Variants in TP53AIP1 observed in about 807,000 individuals in gnomAD.
TP53AIP1 encodes the protein p53-regulated apoptosis-inducing protein 1.
Under a neutral mutation model 9.5 loss-of-function variants are expected in TP53AIP1, and 14 were observed. The ratio of observed to expected loss-of-function variants is 1.47; its 90% CI spans 0.97 to 2.30. The LOEUF (loss-of-function observed/expected upper bound fraction) is 2.30, where lower values mean the gene tolerates loss of function less well. Ranked by LOEUF, TP53AIP1 falls within the 30% of genes most tolerant of loss-of-function variation. The pLI, the probability that TP53AIP1 is intolerant of heterozygous loss-of-function variation, is 0.00. For synonymous variants in TP53AIP1, 73 were observed against 61.2 expected (o/e 1.19, Z -0.90); for missense variants, 153 against 146.7 (o/e 1.04, Z -0.22).
rs760739179 is a variant in TP53AIP1, at chr11:128,936,535, C to T, written c.253+3G>A. 1.9e-6 allele frequency: 3 copies of T among 1,560,972 alleles called. No homozygotes were observed. In the South Asian group the frequency reaches 3.5e-5, roughly 18 times the overall value. The stretch of plus-strand genomic sequence containing the variant: ...ATGAATTCACTAAGTAATTATCACA[C>T]ACCTGTCAGGATCCAGACAGTTGCT... On this transcript the variant is annotated splice_donor_region_variant and intron_variant, in intron 3 of 3. Transcript: ENST00000531399.
chr11:128,936,256 C>T, intron 3 of TP53AIP1: 2 of 1,181,876 alleles, frequency 1.7e-6, no homozygotes, highest in Non-Finnish European at 2.1e-6. Context: ...GTCCAGCATC[C>T]TATGGCCCAT....
rs1944900604 is a variant in TP53AIP1 at position 128,939,487 on chromosome 11, C to T, written c.-76-1593G>A. Among the ~76,000 whole-genome samples the T allele has an allele frequency of 6.6e-6, 1 of 152,212 alleles. No homozygotes were observed. The highest frequency in any genetic ancestry group is 2.4e-5 in the African/African-American group (1 of 41,456). Reference sequence around the variant, plus strand: ...TGGTGCCTACACCTCCGTCTTCCAGCCACTGAAAACAGGATTCTCCAGAGT... The same window carrying T: ...TGGTGCCTACACCTCCGTCTTCCAGTCACTGAAAACAGGATTCTCCAGAGT... On this transcript the variant is annotated intron_variant, in intron 1 of 3. Coordinates refer to ENST00000531399, the MANE Select transcript of TP53AIP1 (RefSeq NM_022112.3). The surrounding 1 kb of genome is among the most constrained non-coding windows in gnomAD (Gnocchi z 4.1).
In TP53AIP1 at chr11:128,935,580, G is replaced by A. The variant is rs767408340; in HGVS notation, c.*11C>T. The stretch of plus-strand genomic sequence containing the variant: ...GTCGCCCAGGCTGGAGTGCAGTGGC[G>A]TGATCTCGGCTCACTGCAACCTCAA... On this transcript the variant is annotated 3_prime_UTR_variant, in exon 4 of 4. Transcript: ENST00000531399. 6.0e-5 allele frequency: 93 copies of A among 1,553,426 alleles called. No homozygotes were observed. The highest frequency in any genetic ancestry group is 1.9e-4 in the Middle Eastern group (1 of 5,268).
chr11:128,942,428 C>T (rs1438178622), intron 1 of TP53AIP1, among the ~76,000 whole-genome samples: 1 of 152,238 alleles, frequency 6.6e-6, no homozygotes, highest in South Asian at 2.1e-4. Context: ...GCTAGCTGTG[C>T]GAGCTTGCGC....
In TP53AIP1 at chr11:128,935,518, G is replaced by GTTTGTTTGTT. The variant is rs1555049424; in HGVS notation, c.*63_*72dup. Reference sequence around the variant, plus strand: ...CATTTCTCGACGGTGCTTTCTGTTTGTTTGTTTGTTTTTGTTTTGAGATGG... The same window carrying GTTTGTTTGTT: ...CATTTCTCGACGGTGCTTTCTGTTTGTTTGTTTGTTTTTGTTTGTTTTTGTTTTGAGATGG... On this transcript the variant is annotated 3_prime_UTR_variant, in exon 4 of 4. Transcript: ENST00000531399. The GTTTGTTTGTT allele has an allele frequency of 9.9e-6, 15 of 1,507,792 alleles. No homozygotes were observed. The highest frequency in any genetic ancestry group is 2.5e-5 in the South Asian group (2 of 79,364). 93.4% of individuals were successfully genotyped at this position (1,507,792 alleles called of 1,614,324 possible). A position where few individuals can be genotyped will look rare whatever the true frequency, so the allele number is the denominator to read the frequency against.
chr11:128,940,259 G>C (rs1337738859), intron 1 of TP53AIP1, among the ~76,000 whole-genome samples: 1 of 152,148 alleles, frequency 6.6e-6, no homozygotes, highest in African/African-American at 2.4e-5. Flanking sequence ...GCTATCCTCT[G>C]TCCTGCTTCC....
At chr11:128,938,758 C>G (rs1368444354) in intron 1 of TP53AIP1, among the ~76,000 whole-genome samples, 1 of 152,198 alleles carries the variant, frequency 6.6e-6, no homozygotes, top group Admixed American at 6.5e-5. Flanking sequence ...GGGCAGCTCA[C>G]AGCAGCGCCA....
chr11:128,936,402 T>G, intron 3 of TP53AIP1, 136 bp downstream of exon 3: 1 of 1,421,160 alleles, frequency 7.0e-7, no homozygotes, highest in Non-Finnish European at 9.1e-7. Flanking sequence ...GATGTCATTT[T>G]GTCAGATGGC....
downstream of TP53AIP1, chr11:128,935,241 C>A (rs908915776): frequency 2.3e-5 from 33 of 1,405,328 alleles, no homozygotes; most frequent in Non-Finnish European, 2.8e-5. Context: ...ACTGGGAGTG[C>A]CCTCGGGCGT....
intron 1 of TP53AIP1, 114 bp from the exon 2 acceptor site, chr11:128,938,008 C>T (rs187874729): frequency 1.5e-4 from 98 of 663,566 alleles, no homozygotes; most frequent in Admixed American, 6.3e-4. Context: ...AGGGGGAAGC[C>T]GATGCACCCA....
chr11:128,936,872 C>T (rs929617370), intron 2 of TP53AIP1: 8 of 1,352,322 alleles, frequency 5.9e-6, no homozygotes, highest in African/African-American at 5.9e-5. Context: ...GAGACAAAGA[C>T]AGAGACAGCA....
chr11:128,934,877 C>G (rs1037474262), downstream of TP53AIP1: 8 of 639,560 alleles, frequency 1.3e-5, no homozygotes, highest in African/African-American at 1.4e-4. Flanking sequence ...TGGGGATCCT[C>G]GGAAGTGTCA....
intron 1 of TP53AIP1, among the ~76,000 whole-genome samples, chr11:128,940,188 G>A (rs1407830027): frequency 6.6e-6 from 1 of 152,212 alleles, no homozygotes; most frequent in East Asian, 1.9e-4. Flanking sequence ...ACTCCTTAGA[G>A]GGCACAAGGG....
chr11:128,941,884 AT>A lies in TP53AIP1; in HGVS notation c.-77+909del, dbSNP rs1944951459. 9.2e-5 allele frequency among the ~76,000 whole-genome samples: 14 copies of A among 152,308 alleles called. No individual in the cohort carries two copies. In the South Asian group the frequency reaches 2.9e-3, roughly 32 times the overall value. On this transcript the variant is annotated intron_variant, in intron 1 of 3. Transcript: ENST00000531399. ...TTGTGTGGCTGTGCTGCGGAAGCAGATCTGGGTGGAGGAGGGCCCCACGCAC... is the reference window on the plus strand; with the variant it reads ...TTGTGTGGCTGTGCTGCGGAAGCAGACTGGGTGGAGGAGGGCCCCACGCAC...
downstream of TP53AIP1, chr11:128,935,343 T>C (rs1944791266): frequency 2.1e-6 from 3 of 1,417,910 alleles, no homozygotes; most frequent in East Asian, 5.1e-5. Context: ...GTGGATATTA[T>C]AGATTGGAAT....
rs993372258 is a variant in TP53AIP1, at chr11:128,935,458, G to A, written c.*133C>T. ...CACCCAACTGGCCCAGTGGTCAAGG[G>A]GGGAAATGAGGTGGCCGCTAGTCAG... On this transcript the variant is annotated 3_prime_UTR_variant, in exon 4 of 4. Transcript: ENST00000531399. The A allele has an allele frequency of 2.8e-6, 4 of 1,433,666 alleles. No individual in the cohort carries two copies. The highest frequency in any genetic ancestry group is 1.6e-5 in the South Asian group (1 of 64,284). 88.8% of individuals were successfully genotyped at this position (1,433,666 alleles called of 1,614,324 possible).
chr11:128,937,401 G>C lies in TP53AIP1; in HGVS notation c.141+277C>G. ...GCACCACCTTCCTTCCAAAAGCCTT[G>C]TTTCTCAGAAAACCTTTCTGCCTCC... is the stretch of plus-strand genomic sequence containing the variant. On this transcript the variant is annotated intron_variant, in intron 2 of 3. Transcript: ENST00000531399. This position sits in a 1 kb window ranked among gnomAD's most constrained non-coding sequence, Gnocchi z 4.8. The C allele has an allele frequency of 2.1e-6, 3 of 1,433,772 alleles. No individual in the cohort carries two copies. Among genetic ancestry groups the C allele is most frequent in the Non-Finnish European group, 2.7e-6 (3 of 1,096,516 alleles). The allele number at this position is 1,433,772 out of a possible 1,614,324, so 88.8% of individuals were successfully genotyped here.
Position 128,935,473 on chromosome 11 carries a change from C to T in TP53AIP1, c.*118G>A, listed in dbSNP as rs1289280540. On this transcript the variant is annotated 3_prime_UTR_variant, in exon 4 of 4. Transcript: ENST00000531399. The stretch of plus-strand genomic sequence containing the variant: ...GTGGTCAAGGGGGGAAATGAGGTGG[C>T]CGCTAGTCAGCGCTGGAGCCATTTC... 8 of 1,444,372 alleles carry T rather than the reference C, an allele frequency of 5.5e-6. No homozygotes were observed. The highest frequency in any genetic ancestry group is 2.5e-5 in the East Asian group (1 of 39,728). 89.5% of individuals were successfully genotyped at this position (1,444,372 alleles called of 1,614,324 possible).
At chr11:128,936,703 G>A in intron 2 of TP53AIP1, 54 bp from the exon 3 acceptor site, 3 of 1,519,486 alleles carry the variant, frequency 2.0e-6, no homozygotes, top group South Asian at 1.2e-5. Context: ...CTCTTGGATG[G>A]TTTATTCTTC....
Sources: gnomAD v4.1 joint callset for allele counts (sites outside exome capture counted in the v4.1 genomes callset) on GRCh38, gnomAD v4.1.1 for gene constraint, Gnocchi (gnomAD v3.1) non-coding constraint, MANE v1.5 for transcripts, NCBI Gene and HGNC (gene_info 2026-07-23, HGNC 2026-07-21) for gene names.